Variants in SLC9B1 observed in about 807,000 individuals in gnomAD.
The protein encoded by SLC9B1 is solute carrier family 9 member B1.
In SLC9B1, 32 loss-of-function variants were observed where a neutral mutation model predicts 51.7. The ratio of observed to expected loss-of-function variants is 0.62; its 90% CI spans 0.47 to 0.83. The LOEUF is 0.83. Among genes scored for constraint, SLC9B1 ranks in the 40% least tolerant of loss-of-function variants. The probability of loss-of-function intolerance (pLI) is 0.00; values close to 1 mark genes in which losing one functional copy is unlikely to be tolerated. For missense variants in SLC9B1, 406 were observed against 613.2 expected, an observed-to-expected ratio of 0.66 and a Z score of 3.57; for synonymous variants, 145 against 212.7, an observed-to-expected ratio of 0.68 and a Z score of 2.77.
chr4:103,009,045 A>C (rs1261311334), intron 1 of SLC9B1, among the ~76,000 whole-genome samples: 1 of 151,664 alleles, frequency 6.6e-6, no homozygotes, highest in Non-Finnish European at 1.5e-5. Context: ...TGATCCGCCC[A>C]CCTTGGCCTC....
chr4:102,949,368 G>A lies in SLC9B1; in HGVS notation c.271C>T (p.Pro91Ser). The A allele has an allele frequency of 1.2e-6, 2 of 1,610,250 alleles. No individual in the cohort carries two copies. Among genetic ancestry groups the A allele is most frequent in the Non-Finnish European group, 1.7e-6 (2 of 1,179,150 alleles). Residue 91 changes from proline (P) to serine (S), a missense_variant, in exon 4 of 12, where the codon CCT becomes TCT. Around this residue, in one of 6 missense-constraint regions of SLC9B1, gnomAD observed 250 missense variants for 394.1 expected, o/e 0.63. Coordinates refer to ENST00000296422, the MANE Select transcript of SLC9B1 (RefSeq NM_139173.4). ...AACAACCCAAATAAATTTCCACCAGGGAGAGCTTCAGAGCCTAAGATTGAC... is the reference window on the plus strand; with the variant it reads ...AACAACCCAAATAAATTTCCACCAGAGAGAGCTTCAGAGCCTAAGATTGAC... ...TWSILGSEALPGGNLFGLFII... is the reference protein window; with the variant it reads ...TWSILGSEALSGGNLFGLFII...
Position 102,963,058 on chromosome 4 carries a change from T to A in SLC9B1, c.212-13631A>T, listed in dbSNP as rs551975323. ...TGTTCTTTCAAGGGGTTTGACCATA[T>A]TCGGGGATTTGAACCTCAACTACAG... On this transcript the variant is annotated intron_variant, in intron 3 of 11. Coordinates refer to ENST00000296422, the MANE Select transcript of SLC9B1 (RefSeq NM_139173.4). 1.6e-3 allele frequency: 706 copies of A among 439,860 alleles called. 8 individuals carry two copies. Among genetic ancestry groups the A allele is most frequent in the Middle Eastern group, 0.013 (26 of 1,930 alleles). 27.2% of individuals were successfully genotyped at this position (439,860 alleles called of 1,614,324 possible).
intron 3 of SLC9B1, among the ~76,000 whole-genome samples, chr4:102,982,741 G>C (rs1279619659): frequency 6.6e-6 from 1 of 152,062 alleles, no homozygotes; most frequent in Non-Finnish European, 1.5e-5. Context: ...TCTTGTACCT[G>C]CCATCTTACT....
chr4:103,014,167 A>G (rs1741208700), intron 1 of SLC9B1, among the ~76,000 whole-genome samples: 1 of 152,178 alleles, frequency 6.6e-6, no homozygotes, highest in Non-Finnish European at 1.5e-5. Flanking sequence ...TCTAAACTTT[A>G]GCCATACTAA....
chr4:103,018,607 C>A (rs1741533357), intron 1 of SLC9B1, among the ~76,000 whole-genome samples: 1 of 152,154 alleles, frequency 6.6e-6, no homozygotes, highest in South Asian at 2.1e-4. Context: ...CCACCTGGGC[C>A]AGTTGTCTCC....
At chr4:102,970,194 A>G (rs1738677306) in intron 3 of SLC9B1, among the ~76,000 whole-genome samples, 1 of 152,206 alleles carries the variant, frequency 6.6e-6, no homozygotes, top group South Asian at 2.1e-4. Context: ...TGTCAGATTC[A>G]CCAAGGTTGA....
chr4:102,894,279 CA>C (rs1422857431), intron 11 of SLC9B1, among the ~76,000 whole-genome samples: 1 of 152,052 alleles, frequency 6.6e-6, no homozygotes, highest in Non-Finnish European at 1.5e-5. Context: ...AACAACGTTT[CA>C]ATTAAAACAA....
intron 3 of SLC9B1, chr4:102,962,013 G>A: frequency 3.3e-6 from 1 of 298,614 alleles, no homozygotes; most frequent in Non-Finnish European, 6.5e-6. Context: ...AGAGCCACTT[G>A]GTGCCCACCC....
downstream of SLC9B1, among the ~76,000 whole-genome samples, chr4:102,899,160 A>T (rs1350659518): frequency 6.9e-6 from 1 of 145,668 alleles, no homozygotes; most frequent in African/African-American, 2.6e-5. Context: ...ATTTCAAATA[A>T]ATAACAACAT....
chr4:102,933,409 T>C (rs1366606288), intron 6 of SLC9B1, among the ~76,000 whole-genome samples: 1 of 152,260 alleles, frequency 6.6e-6, no homozygotes, highest in Non-Finnish European at 1.5e-5. Context: ...GACCACATAC[T>C]GGTCTAGTTC....
chr4:102,951,270 A>C lies in SLC9B1; in HGVS notation c.212-1843T>G, dbSNP rs1737539327. Among the ~76,000 whole-genome samples, 6 of 152,292 alleles carry C rather than the reference A, an allele frequency of 3.9e-5. No homozygotes were observed. The South Asian group carries it at 1.0e-3, about 26-fold the overall frequency. ...AGTATCCCTAGAACACACTTAGTAGATGCTAATTCAAAAAATCTCTAATAG... is the reference window on the plus strand; with the variant it reads ...AGTATCCCTAGAACACACTTAGTAGCTGCTAATTCAAAAAATCTCTAATAG... On this transcript the variant is annotated intron_variant, in intron 3 of 11. Transcript: ENST00000296422.
chr4:102,893,300 A>AAAAAAAAAAAAAAAAAAG (rs1314502030), intron 11 of SLC9B1, among the ~76,000 whole-genome samples: 4 of 147,768 alleles, frequency 2.7e-5, no homozygotes, highest in Non-Finnish European at 5.9e-5. Flanking sequence ...AAAAAAAAAA[A>AAAAAAAAAAAAAAAAAAG]AAAAAGAAAA....
At chr4:102,983,050 G>A (rs1739436363) in intron 3 of SLC9B1, among the ~76,000 whole-genome samples, 1 of 152,036 alleles carries the variant, frequency 6.6e-6, no homozygotes, top group African/African-American at 2.4e-5. Flanking sequence ...AGTTGAGGAA[G>A]TTTCCACTCT....
rs543989928 is a variant in SLC9B1, at chr4:102,977,269, G to A, written c.211+12531C>T. On this transcript the variant is annotated intron_variant, in intron 3 of 11. Coordinates refer to ENST00000296422, the MANE Select transcript of SLC9B1 (RefSeq NM_139173.4). ...TCAAAGATGCTTATGAGCTCTCTAG[G>A]CTGTATAACTGAGACAATATTATAA... Among the ~76,000 whole-genome samples, 3 of 149,112 alleles carry A rather than the reference G, an allele frequency of 2.0e-5. No individual in the cohort carries two copies. In the East Asian group the frequency reaches 5.9e-4, roughly 29 times the overall value.
At chr4:103,015,074 A>G (rs1348004582) in intron 1 of SLC9B1, among the ~76,000 whole-genome samples, 1 of 152,162 alleles carries the variant, frequency 6.6e-6, no homozygotes, top group Non-Finnish European at 1.5e-5. Flanking sequence ...CAGCTCTGTA[A>G]GGCTACAAGA....
intron 11 of SLC9B1, among the ~76,000 whole-genome samples, chr4:102,886,013 ATTAT>A (rs1560906356): frequency 6.6e-6 from 1 of 152,170 alleles, no homozygotes; most frequent in Non-Finnish European, 1.5e-5. Context: ...TTGATCATAG[ATTAT>A]TTGAGGTTTT....
At chr4:102,913,106 C>G (rs1336334712) in intron 7 of SLC9B1, among the ~76,000 whole-genome samples, 1 of 152,216 alleles carries the variant, frequency 6.6e-6, no homozygotes, top group East Asian at 1.9e-4. Context: ...ACCCCTTCCC[C>G]AAGCTGGAAC....
chr4:102,946,825 A>AT, intron 4 of SLC9B1, 36 bp from the exon 5 acceptor site: 1 of 1,524,836 alleles, frequency 6.6e-7, no homozygotes, highest in Non-Finnish European at 8.8e-7. Flanking sequence ...ATGACAGTTC[A>AT]TTTTTCTGAG....
chr4:102,931,645 T>TG (rs58884820), intron 7 of SLC9B1, among the ~76,000 whole-genome samples: 87,362 of 151,958 alleles, frequency 0.57, 26,369 homozygotes, highest in African/African-American at 0.78. Flanking sequence ...GATATCACCT[T>TG]GGAATCAGAA....
Sources: gnomAD v4.1 joint callset for allele counts (sites outside exome capture counted in the v4.1 genomes callset) on GRCh38, gnomAD v4.1.1 for gene constraint, gnomAD v4.1.1 regional missense constraint, MANE v1.5 for transcripts, NCBI Gene and HGNC (gene_info 2026-07-23, HGNC 2026-07-21) for gene names.